The following CCT5 variants were observed in gnomAD, a reference collection of about 807,000 sequenced individuals.
CCT5 encodes the protein chaperonin containing TCP1 subunit 5, also known as T-complex protein 1 subunit epsilon.
A neutral mutation model predicts 55.0 loss-of-function variants in CCT5; 6 were observed. The observed-to-expected ratio is 0.11, with a 90% confidence interval of 0.06 to 0.22. CCT5 has a LOEUF of 0.22. Ranked by LOEUF, CCT5 falls within the 10% of genes least tolerant of loss-of-function variation. The probability of loss-of-function intolerance (pLI) is 1.00; values close to 1 mark genes in which losing one functional copy is unlikely to be tolerated. For synonymous variants in CCT5, 231 were observed against 243.7 expected (o/e 0.95, Z 0.49); for missense variants, 560 against 694.6 (o/e 0.81, Z 2.18).
Position 10,262,546 on chromosome 5 carries a change from T to C in CCT5, c.1245T>C (p.Asp415=), listed in dbSNP as rs144940167. ...GTGTCATCCGGAACCTCATCCGCGATAATCGTGTGGTGTATGGAGGAGGGG... is the reference window on the plus strand; with the variant it reads ...GTGTCATCCGGAACCTCATCCGCGACAATCGTGTGGTGTATGGAGGAGGGG... The part of the protein sequence containing the change: ...ALCVIRNLIR[D]NRVVYGGGAA... Residue 415 remains aspartate, a synonymous_variant, in exon 9 of 11, where the codon GAT becomes GAC. Transcript: ENST00000280326. 1 of 1,614,140 alleles carries C rather than the reference T, an allele frequency of 6.2e-7. No individual in the cohort carries two copies. Among genetic ancestry groups the C allele is most frequent in the African/African-American group, 1.3e-5 (1 of 74,956 alleles).
chr5:10,255,085 T>C, intron 3 of CCT5: 1 of 515,890 alleles, frequency 1.9e-6, no homozygotes, highest in East Asian at 3.5e-5. Flanking sequence ...TGATTTTGCT[T>C]GTCTTTTAAG....
rs980899127 is a variant in CCT5 at position 10,265,646 on chromosome 5, T to C, written c.*863T>C. On this transcript the variant is annotated 3_prime_UTR_variant, in exon 11 of 11. Transcript: ENST00000280326. The stretch of plus-strand genomic sequence containing the variant: ...TGTTCTGACAACCCAGTGAGGCAGA[T>C]ACACTTTCTTACTGCTCACATCTTA... 1.3e-5 allele frequency: 2 copies of C among 152,046 alleles called. No homozygotes were observed. Among genetic ancestry groups the C allele is most frequent in the African/African-American group, 4.8e-5 (2 of 41,380 alleles). 9.4% of individuals were successfully genotyped at this position (152,046 alleles called of 1,614,324 possible).
intron 1 of CCT5, among the ~76,000 whole-genome samples, chr5:10,252,851 C>G (rs982512758): frequency 1.3e-5 from 2 of 152,080 alleles, no homozygotes. Context: ...CAAAATAGAT[C>G]TCGGGATTTC....
intron 6 of CCT5, among the ~76,000 whole-genome samples, chr5:10,259,771 A>G (rs906713760): frequency 1.3e-5 from 2 of 152,212 alleles, no homozygotes; most frequent in Non-Finnish European, 2.9e-5. Flanking sequence ...TTTCATGAGA[A>G]TGGTGCCTCA....
At chr5:10,250,474 G>T in intron 1 of CCT5, 29 bp downstream of exon 1, 1 of 1,611,050 alleles carries the variant, frequency 6.2e-7, no homozygotes, top group Non-Finnish European at 8.5e-7. Flanking sequence ...GCTCGCGGTG[G>T]GCTAAGGGGA....
At chr5:10,258,680 G>T in intron 6 of CCT5, 145 bp downstream of exon 6, 1 of 767,680 alleles carries the variant, frequency 1.3e-6, no homozygotes, top group Non-Finnish European at 2.2e-6. Flanking sequence ...CATAAACAGG[G>T]AAGAATTCTA....
rs904564231 is a variant in CCT5, at chr5:10,250,940, C to A, written c.105+495C>A. ...TTTCATTTCTGAGTGCTTTTTTGCC[C>A]ACCCTTGAGGAAAAATAGCGAAGAG... On this transcript the variant is annotated intron_variant, in intron 1 of 10. Coordinates refer to ENST00000280326, the MANE Select transcript of CCT5 (RefSeq NM_012073.5). 14 of 898,220 alleles carry A rather than the reference C, an allele frequency of 1.6e-5. No homozygotes were observed. The African/African-American group carries it at 2.2e-4, about 14-fold the overall frequency. 55.6% of individuals were successfully genotyped at this position (898,220 alleles called of 1,614,324 possible). A position where few individuals can be genotyped will look rare whatever the true frequency, so the allele number is the denominator to read the frequency against.
intron 6 of CCT5, among the ~76,000 whole-genome samples, chr5:10,260,148 T>C (rs1745887040): frequency 6.6e-6 from 1 of 152,118 alleles, no homozygotes; most frequent in Non-Finnish European, 1.5e-5. Flanking sequence ...CTGGGAGGCC[T>C]GATGGAGACA....
chr5:10,255,044 A>G (rs952924013), intron 3 of CCT5: 21 of 587,016 alleles, frequency 3.6e-5, no homozygotes, highest in South Asian at 9.7e-5. Flanking sequence ...ATTGTTAGGC[A>G]TGGAGAAATG....
At position 10,261,560 on chromosome 5, in the gene CCT5, C is replaced by A. The variant is rs775929559; in HGVS notation, c.994C>A (p.Leu332Met). The A allele has an allele frequency of 3.7e-6, 6 of 1,614,060 alleles. No individual in the cohort carries two copies. In the Admixed American group the frequency reaches 1.0e-4, roughly 27 times the overall value. Reference sequence around the variant, plus strand: ...CCTTCTCCCTGACCACCCCAATTAGCTGATTGCCATCGCAACAGGAGGGCG... The same window carrying A: ...CCTTCTCCCTGACCACCCCAATTAGATGATTGCCATCGCAACAGGAGGGCG... Reference protein sequence around the residue: ...VRWVGGPEIELIAIATGGRIV... With the variant: ...VRWVGGPEIEMIAIATGGRIV... The change falls in exon 8 of 11, where the codon CTG becomes ATG. Residue 332 changes from leucine to methionine, a missense_variant and splice_region_variant. Coordinates refer to ENST00000280326, the MANE Select transcript of CCT5 (RefSeq NM_012073.5).
chr5:10,261,809 CTG>C (rs1338320506), intron 8 of CCT5, 64 bp downstream of exon 8: 1 of 1,323,058 alleles, frequency 7.6e-7, no homozygotes, highest in Admixed American at 1.7e-5. Flanking sequence ...GCTTTTTTGC[CTG>C]TGTGTATTTA....
At position 10,263,251 on chromosome 5, in the gene CCT5, G is replaced by C; in HGVS notation, c.1435G>C (p.Ala479Pro). Residue 479 changes from alanine to proline, a missense_variant, in exon 10 of 11, where the codon GCC becomes CCC. By Grantham distance (27) the Ala-to-Pro change is conservative (BLOSUM62 -1). Coordinates refer to ENST00000280326, the MANE Select transcript of CCT5 (RefSeq NM_012073.5). ...NPIQTMTEVR[A>P]RQVKEMNPAL... ...CATCCAGACTATGACCGAAGTCCGA[G>C]CCAGACAGGTGAAGGAGATGAACCC... 6.2e-7 allele frequency: 1 copy of C among 1,614,134 alleles called. No individual in the cohort carries two copies. The highest frequency in any genetic ancestry group is 8.5e-7 in the Non-Finnish European group (1 of 1,180,030).
Position 10,262,622 on chromosome 5 carries a change from A to G in CCT5, c.1317+4A>G. The G allele has an allele frequency of 6.2e-7, 1 of 1,614,120 alleles. No individual in the cohort carries two copies. The highest frequency in any genetic ancestry group is 1.1e-5 in the South Asian group (1 of 91,084). ...AGTTAGCCAAGAGGCGGATAAGGTA[A>G]GGGATCTGTGCAGACTTAGTGAAAG... is the stretch of plus-strand genomic sequence containing the variant. On this transcript the variant is annotated splice_donor_region_variant and intron_variant, in intron 9 of 10. Transcript: ENST00000280326.
At chr5:10,262,392 CCTCT>C in intron 8 of CCT5, 85 bp from the exon 9 acceptor site, 1 of 1,380,442 alleles carries the variant, frequency 7.2e-7, no homozygotes. Context: ...TAGAGCACAG[CCTCT>C]CTGTCTTTAA....
chr5:10,258,790 C>T (rs542380373), intron 6 of CCT5, among the ~76,000 whole-genome samples: 3 of 152,132 alleles, frequency 2.0e-5, no homozygotes, highest in Non-Finnish European at 4.4e-5. Context: ...GTGAGATCAT[C>T]GAGACCATCT....
In CCT5 at chr5:10,266,282, C is replaced by A. The variant is rs1245629847; in HGVS notation, c.*1499C>A. ...TCCAAAATTGAACCTCACAGACGTT[C>A]CTGTTTTTTGTGATTGAGAAACTGG... On this transcript the variant is annotated 3_prime_UTR_variant, in exon 11 of 11. Transcript: ENST00000280326. The A allele has an allele frequency of 2.0e-5, 3 of 152,166 alleles. No homozygotes were observed. The highest frequency in any genetic ancestry group is 4.4e-5 in the Non-Finnish European group (3 of 68,044). 9.4% of individuals were successfully genotyped at this position (152,166 alleles called of 1,614,324 possible).
intron 6 of CCT5, 64 bp from the exon 7 acceptor site, chr5:10,260,728 A>G (rs748044689): frequency 1.3e-6 from 2 of 1,592,254 alleles, no homozygotes; most frequent in Non-Finnish European, 1.7e-6. Flanking sequence ...CCTTTTTTCA[A>G]ACATTGTAAT....
Position 10,253,323 on chromosome 5 carries a change from T to C in CCT5, c.106-822T>C, listed in dbSNP as rs573709754. Reference sequence around the variant, plus strand: ...CAGCCTTTTTGAGACACAGCAAGACTGTCTCAAAAAAAAAAAGGCCAGTCA... The same window carrying C: ...CAGCCTTTTTGAGACACAGCAAGACCGTCTCAAAAAAAAAAAGGCCAGTCA... On this transcript the variant is annotated intron_variant, in intron 1 of 10. Transcript: ENST00000280326. Among the ~76,000 whole-genome samples, 16 of 43,770 alleles carry C rather than the reference T, an allele frequency of 3.7e-4. No individual in the cohort carries two copies. The South Asian group carries it at 7.7e-3, about 21-fold the overall frequency. The allele number at this position is 43,770 out of a possible 152,430, so 28.7% of individuals were successfully genotyped here. A position where few individuals can be genotyped will look rare whatever the true frequency, so the allele number is the denominator to read the frequency against.
At position 10,260,993 on chromosome 5, in the gene CCT5, A is replaced by G. The variant is rs186185371; in HGVS notation, c.993+82A>G. ...GGGGTGTTTTGATAGCCCTGCCTTA[A>G]ATAACTGCATCACACCAAGGCTGGC... On this transcript the variant is annotated intron_variant, in intron 7 of 10. Transcript: ENST00000280326. The G allele has an allele frequency of 7.8e-5, 110 of 1,409,708 alleles. No homozygotes were observed. In the Admixed American group the frequency reaches 1.0e-3, roughly 13 times the overall value. 87.3% of individuals were successfully genotyped at this position (1,409,708 alleles called of 1,614,324 possible). A position where few individuals can be genotyped will look rare whatever the true frequency, so the allele number is the denominator to read the frequency against.
Sources: allele counts gnomAD v4.1 joint callset (sites outside exome capture counted in the v4.1 genomes callset), GRCh38; gene constraint gnomAD v4.1.1; transcripts MANE v1.5; gene names NCBI Gene and HGNC (gene_info 2026-07-23, HGNC 2026-07-21).